NFIB: variants seen among roughly 807,000 people sequenced by gnomAD.
NFIB encodes nuclear factor 1 B-type.
A neutral mutation model predicts 61.5 loss-of-function variants in NFIB; 11 were observed. The observed-to-expected ratio is 0.18, with a 90% CI of 0.11 to 0.30. The LOEUF (loss-of-function observed/expected upper bound fraction) is 0.30. Ranked by LOEUF, NFIB falls within the 10% of genes least tolerant of loss-of-function variation. The pLI is 1.00. For missense variants in NFIB, 471 were observed against 608.9 expected, an observed-to-expected ratio of 0.77 and a Z score of 2.38; for synonymous variants, 260 against 216.5, an observed-to-expected ratio of 1.20 and a Z score of -1.76.
At chr9:14,231,135 A>AAATATATATATAT (rs55959148) in intron 2 of NFIB, among the ~76,000 whole-genome samples, 58 of 35,328 alleles carry the variant, frequency 1.6e-3, no homozygotes, top group Non-Finnish European at 2.8e-3. Context: ...AAAAAAAAAA[A>AAATATATATATAT]ATATATATAT....
intron 1 of NFIB, among the ~76,000 whole-genome samples, chr9:14,364,481 A>G (rs754021919): frequency 2.0e-5 from 3 of 152,252 alleles, no homozygotes; most frequent in Admixed American, 6.5e-5. Context: ...CTCTGAATGT[A>G]TAAGAAAATG....
chr9:14,432,273 T>A, the NFIB span, among the ~76,000 whole-genome samples: 1 of 152,234 alleles, frequency 6.6e-6, no homozygotes, highest in Non-Finnish European at 1.5e-5. Flanking sequence ...TCTTGCCATG[T>A]AGAAGTCAGT....
At chr9:14,273,307 G>A (rs1336358231) in intron 2 of NFIB, among the ~76,000 whole-genome samples, 2 of 152,146 alleles carry the variant, frequency 1.3e-5, no homozygotes, top group Non-Finnish European at 1.5e-5. Context: ...ATCCTTTAAG[G>A]TAACATGGGC....
the NFIB span, among the ~76,000 whole-genome samples, chr9:14,524,995 A>C: frequency 6.6e-6 from 1 of 152,198 alleles, no homozygotes; most frequent in Non-Finnish European, 1.5e-5. Context: ...AAATGGAAAC[A>C]TTTTGCTTGC....
chr9:14,461,859 T>G, the NFIB span, among the ~76,000 whole-genome samples: 1 of 152,206 alleles, frequency 6.6e-6, no homozygotes, highest in African/African-American at 2.4e-5. Flanking sequence ...GATGTATTAA[T>G]GGCATTATGG....
chr9:14,478,109 C>T, the NFIB span, among the ~76,000 whole-genome samples: 1 of 152,184 alleles, frequency 6.6e-6, no homozygotes, highest in Non-Finnish European at 1.5e-5. Context: ...ATATGGTCAA[C>T]TTGGCCCCTT....
rs1563975983 is a variant in NFIB at position 14,285,914 on chromosome 9, T to TGAGGC, written c.562+21074_562+21075insGCCTC. Among the ~76,000 whole-genome samples the TGAGGC allele has an allele frequency of 3.2e-4, 49 of 151,586 alleles. 1 individual carries two copies. Among genetic ancestry groups the TGAGGC allele is most frequent in the African/African-American group, 1.2e-3 (48 of 40,884 alleles). On this transcript the variant is annotated intron_variant, in intron 2 of 10. Transcript: ENST00000380953. ...CAAGAAGAAATGGAGCCTCTGGGAC[T>TGAGGC]TCAAAACACTTGCTGAAAGTTATAC... is the stretch of plus-strand genomic sequence containing the variant.
intron 2 of NFIB, among the ~76,000 whole-genome samples, chr9:14,201,414 G>A (rs752724444): frequency 5.9e-5 from 9 of 152,084 alleles, no homozygotes; most frequent in Non-Finnish European, 1.2e-4. Flanking sequence ...AGAATATGCC[G>A]TGCAACTGCA....
At chr9:14,287,742 T>C (rs2058813758) in intron 2 of NFIB, among the ~76,000 whole-genome samples, 1 of 152,020 alleles carries the variant, frequency 6.6e-6, no homozygotes, top group Non-Finnish European at 1.5e-5. Context: ...TTTACACTTT[T>C]TTCTGCAATT....
At chr9:14,112,589 G>A (rs911285764) in intron 10 of NFIB, among the ~76,000 whole-genome samples, 2 of 152,126 alleles carry the variant, frequency 1.3e-5, no homozygotes, top group Non-Finnish European at 2.9e-5. Flanking sequence ...AATGTGAGGA[G>A]CAAAACATCT....
intron 2 of NFIB, among the ~76,000 whole-genome samples, chr9:14,228,247 T>G (rs1365714145): frequency 6.7e-6 from 1 of 149,294 alleles, no homozygotes; most frequent in Admixed American, 6.8e-5. Context: ...CAGGCAGGAG[T>G]GCAGTGGCGC....
At chr9:14,366,542 G>C (rs1421786457) in intron 1 of NFIB, among the ~76,000 whole-genome samples, 1 of 151,834 alleles carries the variant, frequency 6.6e-6, no homozygotes, top group Non-Finnish European at 1.5e-5. Context: ...CTGGAGTGCA[G>C]TGACATGATC....
At chr9:14,207,128 G>A (rs1273500996) in intron 2 of NFIB, among the ~76,000 whole-genome samples, 2 of 152,120 alleles carry the variant, frequency 1.3e-5, no homozygotes, top group African/African-American at 4.8e-5. Flanking sequence ...AACACTAAGG[G>A]ATGCTATTAT....
At chr9:14,405,791 T>C in the NFIB span, among the ~76,000 whole-genome samples, 1 of 152,198 alleles carries the variant, frequency 6.6e-6, no homozygotes, top group Non-Finnish European at 1.5e-5. Flanking sequence ...GGGTGAAGTC[T>C]TCCTATTTAG....
the NFIB span, among the ~76,000 whole-genome samples, chr9:14,419,496 G>C: frequency 6.6e-6 from 1 of 152,126 alleles, no homozygotes; most frequent in East Asian, 1.9e-4. Context: ...CCTGCGTCTA[G>C]TTGAATGCTC....
chr9:14,410,375 C>T, the NFIB span, among the ~76,000 whole-genome samples: 89,726 of 151,898 alleles, frequency 0.59, 27,722 homozygotes, highest in Admixed American at 0.72. Flanking sequence ...TCTGTTATAC[C>T]GTGTATCAAT....
the NFIB span, among the ~76,000 whole-genome samples, chr9:14,522,031 T>C: frequency 3.9e-5 from 6 of 152,158 alleles, no homozygotes; most frequent in Non-Finnish European, 8.8e-5. Context: ...GAAGAGAACA[T>C]GTGAGGGAAG....
the NFIB span, among the ~76,000 whole-genome samples, chr9:14,421,848 A>G: frequency 1.3e-5 from 2 of 152,240 alleles, no homozygotes; most frequent in Non-Finnish European, 2.9e-5. Flanking sequence ...GCAGAAATCT[A>G]CAGGTATGTC....
intron 2 of NFIB, among the ~76,000 whole-genome samples, chr9:14,206,180 T>G (rs938454059): frequency 6.6e-6 from 1 of 151,396 alleles, no homozygotes; most frequent in South Asian, 2.1e-4. Flanking sequence ...TCTCTCTCTT[T>G]TTTTTTTTTT....
Sources: allele counts gnomAD v4.1 joint callset (sites outside exome capture counted in the v4.1 genomes callset), GRCh38; gene constraint gnomAD v4.1.1; transcripts MANE v1.5; gene names NCBI Gene and HGNC (gene_info 2026-07-23, HGNC 2026-07-21).